C1QTNF1: variants seen among roughly 807,000 people sequenced by gnomAD.
C1QTNF1 encodes the protein C1q and TNF related 1, also known as complement C1q tumor necrosis factor-related protein 1.
Under a neutral mutation model 27.8 loss-of-function variants are expected in C1QTNF1, and 22 were observed. That is an observed-to-expected ratio of 0.79 (90% CI 0.56 to 1.13). The LOEUF is 1.13. C1QTNF1 is among the 50% of genes most tolerant of loss of function. The pLI is 0.00. For synonymous variants in C1QTNF1, 166 were observed against 154.3 expected, an observed-to-expected ratio of 1.08 and a Z score of -0.56; for missense variants, 373 against 380.2, an observed-to-expected ratio of 0.98 and a Z score of 0.16.
chr17:79,025,406 C>T (rs369866565), intron 1 of C1QTNF1, among the ~76,000 whole-genome samples: 1 of 152,198 alleles, frequency 6.6e-6, no homozygotes, highest in East Asian at 1.9e-4. Context: ...AGCCGCCCCC[C>T]TCTGTGAGGT....
At chr17:79,026,714 G>A (rs1033610679) in intron 1 of C1QTNF1, among the ~76,000 whole-genome samples, 2 of 152,130 alleles carry the variant, frequency 1.3e-5, no homozygotes, top group Non-Finnish European at 2.9e-5. Context: ...GGTGGGCGCT[G>A]TGCGGCTACA....
At chr17:79,036,979 G>T (rs2145906999) in intron 1 of C1QTNF1, among the ~76,000 whole-genome samples, 1 of 152,322 alleles carries the variant, frequency 6.6e-6, no homozygotes, top group South Asian at 2.1e-4. Context: ...CCCTGCGCTG[G>T]GTGGAGCATA....
Position 79,046,723 on chromosome 17 carries a change from G to A in C1QTNF1, c.295+29G>A, listed in dbSNP as rs2145932600. Reference sequence around the variant, plus strand: ...AGATGGCTGCAAAGACAAGCACGGGGTGGCCGGGCTGCTCTGTGCTGATCC... The same window carrying A: ...AGATGGCTGCAAAGACAAGCACGGGATGGCCGGGCTGCTCTGTGCTGATCC... On this transcript the variant is annotated intron_variant, in intron 3 of 3. Transcript: ENST00000579760. The surrounding 1 kb of genome is among the most constrained non-coding windows in gnomAD (Gnocchi z 4.8). 6.2e-7 allele frequency: 1 copy of A among 1,613,752 alleles called. No individual in the cohort carries two copies. Among genetic ancestry groups the A allele is most frequent in the Non-Finnish European group, 8.5e-7 (1 of 1,179,844 alleles).
In C1QTNF1 at chr17:79,048,294, G is replaced by C; in HGVS notation, c.*206G>C. The C allele has an allele frequency of 1.7e-6, 1 of 592,506 alleles. No homozygotes were observed. Among genetic ancestry groups the C allele is most frequent in the Non-Finnish European group, 2.8e-6 (1 of 353,982 alleles). The allele number at this position is 592,506 out of a possible 1,614,324, so 36.7% of individuals were successfully genotyped here. On this transcript the variant is annotated 3_prime_UTR_variant, in exon 4 of 4. Coordinates refer to ENST00000579760, the MANE Select transcript of C1QTNF1 (RefSeq NM_030968.5). ...ACGGCAGATGAAATCACCAGGGCGG[G>C]GCACCCGCGAGAACCCTCTGGGACC...
At chr17:79,035,252 CAGG>C (rs1427726022) in intron 1 of C1QTNF1, among the ~76,000 whole-genome samples, 1 of 152,116 alleles carries the variant, frequency 6.6e-6, no homozygotes. Flanking sequence ...AGCTTCTCAA[CAGG>C]AGAATTCTAC....
At chr17:79,027,114 T>C (rs2071990092) in intron 1 of C1QTNF1, among the ~76,000 whole-genome samples, 1 of 150,194 alleles carries the variant, frequency 6.7e-6, no homozygotes, top group Non-Finnish European at 1.5e-5. Context: ...TCCAGAACCT[T>C]AGGGAAGGGG....
In C1QTNF1 at chr17:79,046,857, A is replaced by G. The variant is rs1390902559; in HGVS notation, c.295+163A>G. On this transcript the variant is annotated intron_variant, in intron 3 of 3. Coordinates refer to ENST00000579760, the MANE Select transcript of C1QTNF1 (RefSeq NM_030968.5). This position sits in a 1 kb window ranked among gnomAD's most constrained non-coding sequence, Gnocchi z 4.8. Reference sequence around the variant, plus strand: ...GTCATCTAGAGGGGAAGGCACAGGAAATTCTGATTTTGAGGCTCTGGCCCC... The same window carrying G: ...GTCATCTAGAGGGGAAGGCACAGGAGATTCTGATTTTGAGGCTCTGGCCCC... 1 of 953,792 alleles carries G rather than the reference A, an allele frequency of 1.0e-6. No individual in the cohort carries two copies. Among genetic ancestry groups the G allele is most frequent in the African/African-American group, 1.7e-5 (1 of 60,428 alleles). 59.1% of individuals were successfully genotyped at this position (953,792 alleles called of 1,614,324 possible). A position where few individuals can be genotyped will look rare whatever the true frequency, so the allele number is the denominator to read the frequency against.
At chr17:79,024,773 C>T (rs1167884607) in intron 1 of C1QTNF1, 1 of 152,360 alleles carries the variant, frequency 6.6e-6, no homozygotes, top group African/African-American at 2.4e-5. Flanking sequence ...CTTTTCTGCA[C>T]GTGGATACTA....
Position 79,043,302 on chromosome 17 carries a change from TGTGCATGTGAGTTGTGCATGTGTGTTGA to T in C1QTNF1, c.-14-641_-14-614del, listed in dbSNP as rs914273819. The T allele has an allele frequency of 1.1e-5, 5 of 453,576 alleles. No individual in the cohort carries two copies. The East Asian group carries it at 3.5e-4, about 32-fold the overall frequency. 28.1% of individuals were successfully genotyped at this position (453,576 alleles called of 1,614,324 possible). A position where few individuals can be genotyped will look rare whatever the true frequency, so the allele number is the denominator to read the frequency against. On this transcript the variant is annotated intron_variant, in intron 1 of 3. Transcript: ENST00000579760. ...AGAGTGTGCATGTGATTTGGGTATG[TGTGCATGTGAGTTGTGCATGTGTGTTGA>T]GTGCATGTGAGCATGTGGATTGCAT...
At chr17:79,037,356 C>G (rs1018627896) in intron 1 of C1QTNF1, among the ~76,000 whole-genome samples, 1 of 152,186 alleles carries the variant, frequency 6.6e-6, no homozygotes, top group Non-Finnish European at 1.5e-5. Flanking sequence ...TCTCCAATCT[C>G]CCGACCTCGT....
intron 1 of C1QTNF1, 164 bp from the exon 2 acceptor site, chr17:79,043,791 T>A: frequency 1.3e-6 from 1 of 757,500 alleles, no homozygotes; most frequent in Non-Finnish European, 2.3e-6. Context: ...TGTGTGAGAG[T>A]GATTGTCCTC....
chr17:79,047,913 A>G lies in C1QTNF1; in HGVS notation c.671A>G (p.Gln224Arg). ...GAGGAGGTGGTGATCTTGTTCGCGC[A>G]GGTGGGCGACCGCAGCATCATGCAA... is the stretch of plus-strand genomic sequence containing the variant. Reference protein sequence around the residue: ...NEEEVVILFAQVGDRSIMQSQ... With the variant: ...NEEEVVILFARVGDRSIMQSQ... The change falls in exon 4 of 4, where the codon CAG (glutamine) becomes CGG (arginine). Residue 224 changes from glutamine to arginine, a missense_variant. Transcript: ENST00000579760. The G allele has an allele frequency of 6.2e-7, 1 of 1,614,068 alleles. No homozygotes were observed. Among genetic ancestry groups the G allele is most frequent in the Non-Finnish European group, 8.5e-7 (1 of 1,179,996 alleles).
chr17:79,041,101 A>C (rs1474926229), intron 1 of C1QTNF1, among the ~76,000 whole-genome samples: 1 of 152,194 alleles, frequency 6.6e-6, no homozygotes, highest in African/African-American at 2.4e-5. Flanking sequence ...TATTTTATAA[A>C]TTACCATGTG....
At position 79,047,818 on chromosome 17, in the gene C1QTNF1, C is replaced by G; in HGVS notation, c.576C>G (p.Leu192=). ...TGKFYCYVPG[L]YFFSLNVHTW... ...AGTTCTACTGCTACGTGCCCGGCCT[C>G]TACTTCTTCAGCCTCAACGTGCACA... Residue 192 remains leucine (L), a synonymous_variant, in exon 4 of 4, where the codon CTC becomes CTG. Transcript: ENST00000579760. 2 of 1,614,224 alleles carry G rather than the reference C, an allele frequency of 1.2e-6. No homozygotes were observed. Among genetic ancestry groups the G allele is most frequent in the South Asian group, 1.1e-5 (1 of 91,084 alleles).
At chr17:79,032,070 A>G (rs2072152081) in intron 1 of C1QTNF1, among the ~76,000 whole-genome samples, 1 of 152,144 alleles carries the variant, frequency 6.6e-6, no homozygotes, top group African/African-American at 2.4e-5. Context: ...TAGACACCGG[A>G]TGCTGGTGAT....
intron 1 of C1QTNF1, among the ~76,000 whole-genome samples, chr17:79,036,324 A>G (rs1198077322): frequency 6.6e-6 from 1 of 152,134 alleles, no homozygotes; most frequent in Non-Finnish European, 1.5e-5. Flanking sequence ...ACAGGTGCAC[A>G]CTACCATGCC....
intron 1 of C1QTNF1, among the ~76,000 whole-genome samples, chr17:79,037,043 A>G (rs1284796751): frequency 6.6e-6 from 1 of 152,250 alleles, no homozygotes; most frequent in Non-Finnish European, 1.5e-5. Flanking sequence ...CTGTCAGCAC[A>G]CAAGCATGAG....
Position 79,047,960 on chromosome 17 carries a change from C to A in C1QTNF1, c.718C>A (p.Leu240Met). The change falls in exon 4 of 4, where the codon CTG becomes ATG. Residue 240 changes from leucine (L) to methionine (M), a missense_variant. Leu to Met is a conservative substitution (Grantham distance 15). Coordinates refer to ENST00000579760, the MANE Select transcript of C1QTNF1 (RefSeq NM_030968.5). ...GCAAAGCCAGAGCCTGATGCTGGAG[C>A]TGCGAGAGCAGGACCAGGTGTGGGT... ...IMQSQSLMLELREQDQVWVRL... is the reference protein window; with the variant it reads ...IMQSQSLMLEMREQDQVWVRL... The A allele has an allele frequency of 5.0e-6, 8 of 1,613,878 alleles. No homozygotes were observed. Among genetic ancestry groups the A allele is most frequent in the Non-Finnish European group, 6.8e-6 (8 of 1,180,010 alleles).
At chr17:79,044,307 T>C (rs1436846813) in intron 2 of C1QTNF1, among the ~76,000 whole-genome samples, 184 bp downstream of exon 2, 3 of 152,168 alleles carry the variant, frequency 2.0e-5, no homozygotes, top group African/African-American at 7.2e-5. Flanking sequence ...TTCAGTGGCT[T>C]GGGCACCTCA....
Sources: gnomAD v4.1 joint callset for allele counts (sites outside exome capture counted in the v4.1 genomes callset) on GRCh38, gnomAD v4.1.1 for gene constraint, Gnocchi (gnomAD v3.1) non-coding constraint, MANE v1.5 for transcripts, NCBI Gene and HGNC (gene_info 2026-07-23, HGNC 2026-07-21) for gene names.